B3GALT1: variants seen among roughly 807,000 people sequenced by gnomAD.
B3GALT1 encodes UDP-Gal:betaGlcNAc beta 1,3-galactosyltransferase, polypeptide 1.
Under a neutral mutation model 23.2 loss-of-function variants are expected in B3GALT1, and 10 were observed. The observed-to-expected ratio is 0.43, with a 90% CI of 0.27 to 0.73. B3GALT1 has a LOEUF of 0.73. Among genes scored for constraint, B3GALT1 ranks in the 30% least tolerant of loss-of-function variants. The pLI is 0.21. For missense variants in B3GALT1, 299 were observed against 405.4 expected (o/e 0.74, Z 2.25); for synonymous variants, 156 against 141.5 (o/e 1.10, Z -0.73).
intron 2 of B3GALT1, among the ~76,000 whole-genome samples, chr2:167,563,366 C>G (rs939554554): frequency 5.0e-5 from 7 of 140,482 alleles, no homozygotes; most frequent in African/African-American, 1.9e-4. Context: ...GCTGACTCCC[C>G]CACCTCCCTC....
intron 2 of B3GALT1, among the ~76,000 whole-genome samples, chr2:167,616,621 G>A (rs978977352): frequency 1.3e-5 from 2 of 151,938 alleles, no homozygotes; most frequent in Non-Finnish European, 2.9e-5. Flanking sequence ...CTTGAACCTG[G>A]GAGGCAGAGG....
chr2:167,549,943 T>G (rs1172519168), intron 2 of B3GALT1, among the ~76,000 whole-genome samples: 1 of 152,218 alleles, frequency 6.6e-6, no homozygotes, highest in Non-Finnish European at 1.5e-5. Context: ...ATACCAGACC[T>G]ACCTTGCAAT....
At chr2:167,340,325 A>C (rs927431346) in intron 1 of B3GALT1, among the ~76,000 whole-genome samples, 2 of 151,556 alleles carry the variant, frequency 1.3e-5, no homozygotes, top group African/African-American at 2.4e-5. Context: ...AAAAAAAAAA[A>C]AAAAAAAAAA....
At chr2:167,501,082 T>A (rs1574106089) in intron 2 of B3GALT1, among the ~76,000 whole-genome samples, 1 of 152,232 alleles carries the variant, frequency 6.6e-6, no homozygotes, top group East Asian at 1.9e-4. Flanking sequence ...TCAGGATGTA[T>A]TTTAATAAAT....
intron 1 of B3GALT1, among the ~76,000 whole-genome samples, chr2:167,306,385 CTG>C (rs1333969487): frequency 6.6e-6 from 1 of 151,886 alleles, no homozygotes; most frequent in African/African-American, 2.4e-5. Flanking sequence ...CATATGAACA[CTG>C]AAATTATAAA....
At chr2:167,598,458 T>A (rs1466731619) in intron 2 of B3GALT1, among the ~76,000 whole-genome samples, 1 of 152,140 alleles carries the variant, frequency 6.6e-6, no homozygotes, top group Non-Finnish European at 1.5e-5. Flanking sequence ...GCCTCAGATA[T>A]CAGGTGCTGT....
intron 1 of B3GALT1, among the ~76,000 whole-genome samples, chr2:167,415,987 TAATGAAAAGAGAAGCAAAAAAA>T (rs1268097742): frequency 7.2e-5 from 11 of 152,034 alleles, no homozygotes. Context: ...ATGGAATTTA[TAATGAAAAGAGAAGCAAAAAAA>T]AAGATTTGGA....
intron 1 of B3GALT1, among the ~76,000 whole-genome samples, chr2:167,415,626 G>T (rs1157270398): frequency 6.6e-6 from 1 of 152,180 alleles, no homozygotes; most frequent in African/African-American, 2.4e-5. Flanking sequence ...GGGCTTAGAA[G>T]ATAAGAATAC....
intron 1 of B3GALT1, among the ~76,000 whole-genome samples, chr2:167,393,622 C>T (rs973208827): frequency 1.3e-5 from 2 of 152,082 alleles, no homozygotes; most frequent in Admixed American, 1.3e-4. Context: ...CTACATTCCT[C>T]CTTTTAAAAA....
chr2:167,730,716 G>T (rs1299029495), intron 3 of B3GALT1, among the ~76,000 whole-genome samples: 1 of 152,078 alleles, frequency 6.6e-6, no homozygotes, highest in African/African-American at 2.4e-5. Context: ...TTATTATTTA[G>T]CAGGAAACTG....
chr2:167,758,072 G>A (rs1211724959), intron 3 of B3GALT1, among the ~76,000 whole-genome samples: 1 of 152,146 alleles, frequency 6.6e-6, no homozygotes, highest in African/African-American at 2.4e-5. Context: ...AATTCCAATG[G>A]GAGTAGCATT....
chr2:167,483,110 A>G (rs542587187), intron 1 of B3GALT1, among the ~76,000 whole-genome samples: 52 of 152,128 alleles, frequency 3.4e-4, no homozygotes, highest in South Asian at 2.1e-3. Flanking sequence ...CCTGACCAAC[A>G]TGGAGAAACC....
chr2:167,575,522 GA>G (rs1684366514), intron 2 of B3GALT1, among the ~76,000 whole-genome samples: 1 of 151,794 alleles, frequency 6.6e-6, no homozygotes, highest in Non-Finnish European at 1.5e-5. Flanking sequence ...TTGCCAGGGT[GA>G]AACTGATCCA....
intron 3 of B3GALT1, among the ~76,000 whole-genome samples, chr2:167,712,531 A>T (rs772066995): frequency 7.9e-5 from 12 of 151,888 alleles, no homozygotes; most frequent in Admixed American, 6.6e-5. Context: ...AGCTTGGCCC[A>T]TGCTTGAAAT....
intron 3 of B3GALT1, among the ~76,000 whole-genome samples, chr2:167,680,289 G>A (rs1243955320): frequency 6.6e-6 from 1 of 152,084 alleles, no homozygotes; most frequent in Non-Finnish European, 1.5e-5. Flanking sequence ...CAGGACAGGG[G>A]GATTTGTTTC....
At chr2:167,461,868 C>T (rs1346628115) in intron 1 of B3GALT1, among the ~76,000 whole-genome samples, 1 of 152,130 alleles carries the variant, frequency 6.6e-6, no homozygotes, top group African/African-American at 2.4e-5. Context: ...TGTGACCTTT[C>T]CTTTCAAATA....
chr2:167,369,061 T>TTGTGTGTGTGTG (rs60938716), intron 1 of B3GALT1, among the ~76,000 whole-genome samples: 12 of 147,580 alleles, frequency 8.1e-5, no homozygotes, highest in South Asian at 2.2e-4. Flanking sequence ...AAACTCTTAT[T>TTGTGTGTGTGTG]TGTGTGTGTG....
At chr2:167,448,137 C>T (rs1699030608) in intron 1 of B3GALT1, among the ~76,000 whole-genome samples, 1 of 152,128 alleles carries the variant, frequency 6.6e-6, no homozygotes, top group Admixed American at 6.5e-5. Context: ...GGGTAGATAA[C>T]TCATAGTGGG....
chr2:167,357,152 C>A (rs961416934), intron 1 of B3GALT1, among the ~76,000 whole-genome samples: 1 of 151,918 alleles, frequency 6.6e-6, no homozygotes, highest in African/African-American at 2.4e-5. Flanking sequence ...GTGTATAATA[C>A]ATAACAATAT....
Sources: gnomAD v4.1 joint callset for allele counts (sites outside exome capture counted in the v4.1 genomes callset) on GRCh38, gnomAD v4.1.1 for gene constraint, MANE v1.5 for transcripts, NCBI Gene and HGNC (gene_info 2026-07-23, HGNC 2026-07-21) for gene names.